SGCZ: variants seen among roughly 807,000 people sequenced by gnomAD.
SGCZ encodes the protein zeta-sarcoglycan.
Under a neutral mutation model 41.3 loss-of-function variants are expected in SGCZ, and 40 were observed. The observed-to-expected ratio is 0.97, with a 90% CI of 0.75 to 1.26. The LOEUF (loss-of-function observed/expected upper bound fraction) is 1.26. SGCZ is among the 50% of genes most tolerant of loss of function. The pLI is 0.00. For synonymous variants in SGCZ, 206 were observed against 137.5 expected (o/e 1.50, Z -3.49); for missense variants, 552 against 369.8 (o/e 1.49, Z -4.04).
At chr8:14,995,898 C>T (rs924287587) in intron 1 of SGCZ, among the ~76,000 whole-genome samples, 2 of 151,872 alleles carry the variant, frequency 1.3e-5, no homozygotes, top group Admixed American at 1.3e-4. Context: ...AAGAGGTCAG[C>T]ACCATTTTCT....
chr8:14,829,542 G>A lies in SGCZ; in HGVS notation c.40-274616C>T, dbSNP rs796756174. Among the ~76,000 whole-genome samples the A allele has an allele frequency of 6.6e-5, 10 of 152,244 alleles. 1 individual carries two copies. Among genetic ancestry groups the A allele is most frequent in the African/African-American group, 2.2e-4 (9 of 41,544 alleles). ...TAGTTATATTCAAGTAGAAAATATA[G>A]CATAACCTTTGAACAAGAAATTAAG... On this transcript the variant is annotated intron_variant, in intron 1 of 7. Coordinates refer to ENST00000382080, the MANE Select transcript of SGCZ (RefSeq NM_139167.4).
At chr8:14,165,550 T>C (rs1242941979) in intron 4 of SGCZ, among the ~76,000 whole-genome samples, 2 of 152,134 alleles carry the variant, frequency 1.3e-5, no homozygotes, top group African/African-American at 4.8e-5. Flanking sequence ...CCATAATTCA[T>C]ATTATGTCCA....
intron 1 of SGCZ, among the ~76,000 whole-genome samples, chr8:14,972,394 C>T (rs1801329507): frequency 6.6e-6 from 1 of 151,778 alleles, no homozygotes; most frequent in Admixed American, 6.6e-5. Flanking sequence ...CTTAGTTGTG[C>T]CTTCATTTTT....
chr8:15,097,586 C>A (rs902609897), intron 1 of SGCZ, among the ~76,000 whole-genome samples: 1 of 151,348 alleles, frequency 6.6e-6, no homozygotes, highest in Non-Finnish European at 1.5e-5. Context: ...CCCATCTCTA[C>A]AAAAATAAAA....
At chr8:14,803,492 C>T (rs1483447071) in intron 1 of SGCZ, among the ~76,000 whole-genome samples, 2 of 152,136 alleles carry the variant, frequency 1.3e-5, no homozygotes, top group African/African-American at 2.4e-5. Flanking sequence ...AATCGGGTCA[C>T]TCCCACCCGA....
chr8:14,182,193 C>A (rs1304936084), intron 4 of SGCZ, among the ~76,000 whole-genome samples: 1 of 152,130 alleles, frequency 6.6e-6, no homozygotes, highest in East Asian at 1.9e-4. Flanking sequence ...ATCTAGAGAA[C>A]AGTATGGATT....
chr8:15,102,737 C>A (rs1047270689), intron 1 of SGCZ, among the ~76,000 whole-genome samples: 1 of 152,022 alleles, frequency 6.6e-6, no homozygotes, highest in African/African-American at 2.4e-5. Context: ...GTAAAAGGCA[C>A]CAATTTGTGT....
At chr8:15,043,919 A>C (rs1317421603) in intron 1 of SGCZ, among the ~76,000 whole-genome samples, 1 of 152,052 alleles carries the variant, frequency 6.6e-6, no homozygotes, top group Admixed American at 6.6e-5. Flanking sequence ...CTTTGGTTTA[A>C]GTTGACATGC....
intron 2 of SGCZ, among the ~76,000 whole-genome samples, chr8:14,417,661 A>G (rs1268508354): frequency 1.3e-5 from 2 of 151,898 alleles, no homozygotes. Flanking sequence ...CATGATGACT[A>G]GAGTTACTAA....
intron 2 of SGCZ, among the ~76,000 whole-genome samples, chr8:14,442,547 A>G (rs572322656): frequency 1.5e-3 from 222 of 152,346 alleles, no homozygotes; most frequent in African/African-American, 5.2e-3. Flanking sequence ...ACCTGACACT[A>G]AAATAAAATT....
At chr8:14,477,344 T>A in intron 2 of SGCZ, among the ~76,000 whole-genome samples, 1 of 152,148 alleles carries the variant, frequency 6.6e-6, no homozygotes, top group East Asian at 1.9e-4. Flanking sequence ...TTTAAGTGTT[T>A]GATTTTATGA....
At chr8:15,001,487 T>C (rs1479980147) in intron 1 of SGCZ, among the ~76,000 whole-genome samples, 1 of 152,082 alleles carries the variant, frequency 6.6e-6, no homozygotes. Context: ...CCCAGCACTT[T>C]GGGAGGCCAA....
At chr8:14,871,776 C>T (rs951720471) in intron 1 of SGCZ, among the ~76,000 whole-genome samples, 1 of 151,364 alleles carries the variant, frequency 6.6e-6, no homozygotes, top group Non-Finnish European at 1.5e-5. Context: ...TGCACACCAG[C>T]CTGGCAAGAG....
At chr8:14,644,504 A>T (rs1186429166) in intron 1 of SGCZ, among the ~76,000 whole-genome samples, 3 of 151,780 alleles carry the variant, frequency 2.0e-5, no homozygotes, top group Admixed American at 6.6e-5. Flanking sequence ...GCCAATTTTT[A>T]AAAAATTTAT....
intron 1 of SGCZ, among the ~76,000 whole-genome samples, chr8:14,715,736 A>G (rs1809668313): frequency 1.3e-5 from 2 of 152,166 alleles, no homozygotes; most frequent in African/African-American, 4.8e-5. Context: ...GTCAGTACCA[A>G]TAGAGATCTG....
intron 1 of SGCZ, among the ~76,000 whole-genome samples, chr8:15,026,354 G>A (rs534031578): frequency 2.9e-4 from 44 of 152,096 alleles, no homozygotes; most frequent in African/African-American, 8.7e-4. Flanking sequence ...GACATTTTCC[G>A]GAACAGAAAA....
chr8:14,197,260 T>C (rs1563180156), intron 4 of SGCZ, among the ~76,000 whole-genome samples: 1 of 152,096 alleles, frequency 6.6e-6, no homozygotes, highest in Non-Finnish European at 1.5e-5. Flanking sequence ...TGTTCCTGAA[T>C]ATAGAAATGA....
chr8:15,198,958 G>A (rs997706290), intron 1 of SGCZ, among the ~76,000 whole-genome samples: 7 of 152,158 alleles, frequency 4.6e-5, no homozygotes, highest in East Asian at 1.9e-4. Flanking sequence ...TTGATTCAAT[G>A]TTGTTTAATT....
At chr8:14,608,605 C>T (rs549892481) in intron 1 of SGCZ, among the ~76,000 whole-genome samples, 7 of 150,904 alleles carry the variant, frequency 4.6e-5, no homozygotes, top group South Asian at 2.1e-4. Flanking sequence ...TTAAATAAAA[C>T]TATATTTAGT....
Sources: gnomAD v4.1 joint callset for allele counts (sites outside exome capture counted in the v4.1 genomes callset) on GRCh38, gnomAD v4.1.1 for gene constraint, MANE v1.5 for transcripts, NCBI Gene and HGNC (gene_info 2026-07-23, HGNC 2026-07-21) for gene names.